EZH1: variants seen among roughly 807,000 people sequenced by gnomAD.
The protein encoded by EZH1 is enhancer of zeste 1 polycomb repressive complex 2 subunit.
A neutral mutation model predicts 100.5 loss-of-function variants in EZH1; 33 were observed. The ratio of observed to expected loss-of-function variants is 0.33; its 90% confidence interval spans 0.25 to 0.44. The LOEUF is 0.44. EZH1 is among the 20% of genes least tolerant of loss of function. The pLI is 1.00. For synonymous variants in EZH1, 272 were observed against 313.8 expected (o/e 0.87, Z 1.41); for missense variants, 475 against 928.4 (o/e 0.51, Z 6.35).
chr17:42,704,979 A>C, intron 17 of EZH1, 109 bp downstream of exon 17: 4 of 929,980 alleles, frequency 4.3e-6, no homozygotes, highest in East Asian at 2.5e-5. Context: ...ACGTGAGAAC[A>C]CAGCTGAGTT....
At position 42,723,500 on chromosome 17, in the gene EZH1, G is replaced by A. The variant is rs2053758866; in HGVS notation, c.367-585C>T. On this transcript the variant is annotated intron_variant, in intron 5 of 20. Transcript: ENST00000428826. ...ATCATAAGACATGGGTATTCTATAAGATGGACTAAGATTCTCCAATAATAA... is the reference window on the plus strand; with the variant it reads ...ATCATAAGACATGGGTATTCTATAAAATGGACTAAGATTCTCCAATAATAA... Among the ~76,000 whole-genome samples the A allele has an allele frequency of 2.0e-5, 3 of 151,994 alleles. No homozygotes were observed. The South Asian group carries it at 6.2e-4, about 32-fold the overall frequency.
intron 13 of EZH1, 114 bp from the exon 14 acceptor site, chr17:42,709,030 CT>C (rs2053420789): frequency 8.5e-7 from 1 of 1,176,010 alleles, no homozygotes; most frequent in African/African-American, 1.5e-5. Flanking sequence ...TGGGGAGTAT[CT>C]TCCCAAACCC....
At chr17:42,719,669 G>A (rs970853786) in intron 7 of EZH1, among the ~76,000 whole-genome samples, 8 of 152,210 alleles carry the variant, frequency 5.3e-5, no homozygotes, top group African/African-American at 1.7e-4. Context: ...CCAGGGAGGT[G>A]GAGGTTGCAG....
chr17:42,714,846 TTA>T (rs1378491024), intron 10 of EZH1, among the ~76,000 whole-genome samples: 2 of 141,908 alleles, frequency 1.4e-5, no homozygotes, highest in African/African-American at 5.2e-5. Context: ...TTTTAAACAT[TTA>T]TATATATTTA....
intron 10 of EZH1, among the ~76,000 whole-genome samples, chr17:42,715,242 A>AATATATATTATAGATTATATGTATTTAT (rs1567991316): frequency 1.4e-5 from 2 of 143,776 alleles, no homozygotes; most frequent in African/African-American, 5.1e-5. Context: ...ATTTATATAT[A>AATATATATTATAGATTATATGTATTTAT]ATATAATATA....
At chr17:42,732,496 C>T (rs1402343872) in intron 1 of EZH1, among the ~76,000 whole-genome samples, 1 of 152,076 alleles carries the variant, frequency 6.6e-6, no homozygotes, top group African/African-American at 2.4e-5. Flanking sequence ...CGGCCGGGCG[C>T]GGTGGCTCAC....
chr17:42,713,718 C>T (rs528689445), intron 10 of EZH1, among the ~76,000 whole-genome samples: 1 of 152,284 alleles, frequency 6.6e-6, no homozygotes, highest in South Asian at 2.1e-4. Context: ...GCCTCAGCCT[C>T]CCAAGTAGCT....
chr17:42,704,837 C>G (rs951202842), intron 17 of EZH1, among the ~76,000 whole-genome samples, 154 bp from the exon 18 acceptor site: 1 of 152,198 alleles, frequency 6.6e-6, no homozygotes, highest in African/African-American at 2.4e-5. Flanking sequence ...TTATGCTGTT[C>G]CAATTCCCAC....
At chr17:42,723,508 A>G (rs1268415671) in intron 5 of EZH1, among the ~76,000 whole-genome samples, 1 of 152,182 alleles carries the variant, frequency 6.6e-6, no homozygotes, top group African/African-American at 2.4e-5. Flanking sequence ...AAGATGGACT[A>G]AGATTCTCCA....
At chr17:42,735,239 A>G (rs1205280949) in intron 1 of EZH1, among the ~76,000 whole-genome samples, 5 of 152,084 alleles carry the variant, frequency 3.3e-5, no homozygotes, top group Admixed American at 3.3e-4. Flanking sequence ...AGCCTGGCCA[A>G]CATGGTGAAA....
chr17:42,720,015 A>G (rs1486198429), intron 7 of EZH1, among the ~76,000 whole-genome samples: 1 of 152,260 alleles, frequency 6.6e-6, no homozygotes, highest in Non-Finnish European at 1.5e-5. Flanking sequence ...ATACATATAT[A>G]TAAATTGGCA....
chr17:42,726,125 T>C (rs2053814685), intron 4 of EZH1, among the ~76,000 whole-genome samples: 1 of 151,272 alleles, frequency 6.6e-6, no homozygotes, highest in African/African-American at 2.4e-5. Flanking sequence ...GTGATCCACC[T>C]GTCACAGCCT....
Position 42,720,433 on chromosome 17 carries a change from G to A in EZH1, c.504C>T (p.Ser168=), listed in dbSNP as rs753600911. ...VHGEEEMIPG[S]VLISDAVFLE... is the part of the protein sequence containing the mutation. ...GAAAAACAGCATCACTAATCAGAAC[G>A]GATCCAGGGATCATCTCTGAAACAT... Residue 168 remains serine, a synonymous_variant, in exon 7 of 21, where the codon TCC becomes TCT. Coordinates refer to ENST00000428826, the MANE Select transcript of EZH1 (RefSeq NM_001991.5). 7.5e-6 allele frequency: 12 copies of A among 1,607,978 alleles called. No individual in the cohort carries two copies. Among genetic ancestry groups the A allele is most frequent in the African/African-American group, 4.0e-5 (3 of 74,596 alleles).
chr17:42,733,418 G>C (rs1226127096), intron 1 of EZH1, among the ~76,000 whole-genome samples: 1 of 151,640 alleles, frequency 6.6e-6, no homozygotes, highest in Non-Finnish European at 1.5e-5. Context: ...GAGGTGGGCG[G>C]ATCACGAGGT....
intron 6 of EZH1, among the ~76,000 whole-genome samples, chr17:42,721,183 A>T (rs1567995746): frequency 6.6e-6 from 1 of 152,208 alleles, no homozygotes; most frequent in East Asian, 1.9e-4. Flanking sequence ...ACAATTTAGG[A>T]GGTCTTTGAA....
At chr17:42,729,793 A>G (rs1210592071) in intron 2 of EZH1, among the ~76,000 whole-genome samples, 1 of 150,404 alleles carries the variant, frequency 6.6e-6, no homozygotes, top group African/African-American at 2.5e-5. Flanking sequence ...TAATCCCAGC[A>G]CTTTGGGAGG....
At chr17:42,716,621 C>A (rs889544326) in intron 10 of EZH1, among the ~76,000 whole-genome samples, 1 of 152,034 alleles carries the variant, frequency 6.6e-6, no homozygotes, top group African/African-American at 2.4e-5. Context: ...AGGGCAATGA[C>A]CTTTTGACTT....
rs1477694780 is a variant in EZH1 at position 42,718,709 on chromosome 17, C to G, written c.768-92G>C. 1 of 1,383,262 alleles carries G rather than the reference C, an allele frequency of 7.2e-7. No individual in the cohort carries two copies. The highest frequency in any genetic ancestry group is 1.0e-6 in the Non-Finnish European group (1 of 999,104). The allele number at this position is 1,383,262 out of a possible 1,614,324, so 85.7% of individuals were successfully genotyped here. On this transcript the variant is annotated intron_variant, in intron 8 of 20. Coordinates refer to ENST00000428826, the MANE Select transcript of EZH1 (RefSeq NM_001991.5). This position sits in a 1 kb window ranked among gnomAD's most constrained non-coding sequence, Gnocchi z 4.2. ...GTACTGACAGTAGCTCACCTACGGT[C>G]TGCCAAGGGAGGATGGGTGTTTTTT...
Position 42,718,669 on chromosome 17 carries a change from G to A in EZH1, c.768-52C>T. On this transcript the variant is annotated intron_variant, in intron 8 of 20. Transcript: ENST00000428826. The surrounding 1 kb of genome is among the most constrained non-coding windows in gnomAD (Gnocchi z 4.2). ...TCCTCCGAGGAACTGCCTCCACTGA[G>A]GAAATACAGATTGGGTACTGACAGT... The A allele has an allele frequency of 6.3e-7, 1 of 1,595,984 alleles. No homozygotes were observed. Among genetic ancestry groups the A allele is most frequent in the Non-Finnish European group, 8.6e-7 (1 of 1,166,826 alleles).
Sources: allele counts gnomAD v4.1 joint callset (sites outside exome capture counted in the v4.1 genomes callset), GRCh38; gene constraint gnomAD v4.1.1; non-coding constraint Gnocchi (gnomAD v3.1); transcripts MANE v1.5; gene names NCBI Gene and HGNC (gene_info 2026-07-23, HGNC 2026-07-21).